The following MALT1 variants were observed in gnomAD, a reference collection of about 807,000 sequenced individuals.
MALT1 encodes the protein mucosa-associated lymphoid tissue lymphoma translocation protein 1.
In MALT1, 36 loss-of-function variants were observed where a neutral mutation model predicts 85.5. That is an observed-to-expected ratio of 0.42 (90% CI 0.32 to 0.56). MALT1 has a LOEUF of 0.56. MALT1 is among the 20% of genes least tolerant of loss of function. The pLI, the probability that MALT1 is intolerant of heterozygous loss-of-function variation, is 0.10. For missense variants in MALT1, 716 were observed against 981.6 expected (o/e 0.73, Z 3.62); for synonymous variants, 359 against 361.3 (o/e 0.99, Z 0.07).
At chr18:58,719,001 A>G (rs1295378977) in intron 9 of MALT1, among the ~76,000 whole-genome samples, 2 of 152,346 alleles carry the variant, frequency 1.3e-5, no homozygotes, top group Middle Eastern at 3.4e-3. Context: ...GTGGGTGAGG[A>G]ACAAAGTTCA....
chr18:58,726,358 T>C (rs998553011), intron 10 of MALT1, among the ~76,000 whole-genome samples: 2 of 152,116 alleles, frequency 1.3e-5, no homozygotes, highest in Non-Finnish European at 2.9e-5. Context: ...GGCTTGAGGG[T>C]TTAGGGCATA....
At chr18:58,732,269 T>A (rs1204017939) in intron 10 of MALT1, among the ~76,000 whole-genome samples, 1 of 152,162 alleles carries the variant, frequency 6.6e-6, no homozygotes, top group Non-Finnish European at 1.5e-5. Flanking sequence ...TGTCCAGTAC[T>A]TTTATGAAGA....
At chr18:58,695,573 A>G (rs1272813168) in intron 2 of MALT1, among the ~76,000 whole-genome samples, 4 of 152,190 alleles carry the variant, frequency 2.6e-5, no homozygotes, top group African/African-American at 9.7e-5. Flanking sequence ...GACGTTTTCA[A>G]TGGTGTTGTC....
chr18:58,713,596 G>T (rs1237063739), intron 7 of MALT1, among the ~76,000 whole-genome samples: 1 of 152,118 alleles, frequency 6.6e-6, no homozygotes, highest in Non-Finnish European at 1.5e-5. Context: ...ACCATTAATG[G>T]TTCATTAGTT....
At chr18:58,711,061 T>C (rs2054824864) in intron 7 of MALT1, 108 bp downstream of exon 7, 3 of 601,650 alleles carry the variant, frequency 5.0e-6, no homozygotes, top group Non-Finnish European at 5.7e-6. Context: ...AAATACTAGC[T>C]GTAAGAAATG....
At chr18:58,703,356 C>CA (rs35397993) in intron 4 of MALT1, among the ~76,000 whole-genome samples, 18 of 149,848 alleles carry the variant, frequency 1.2e-4, no homozygotes, top group East Asian at 1.2e-3. Context: ...GACTCCATCT[C>CA]AAAAAAAAAG....
intron 2 of MALT1, among the ~76,000 whole-genome samples, chr18:58,683,978 C>T (rs2054360269): frequency 6.6e-6 from 1 of 152,188 alleles, no homozygotes; most frequent in African/African-American, 2.4e-5. Flanking sequence ...GTCTCCCAGG[C>T]TGGAATGCAG....
intron 2 of MALT1, among the ~76,000 whole-genome samples, chr18:58,692,433 T>A (rs796598573): frequency 2.9e-4 from 16 of 55,124 alleles, no homozygotes; most frequent in Non-Finnish European, 1.3e-4. Context: ...TCTCTCTCTC[T>A]CTCACTCTCT....
At chr18:58,686,215 C>T (rs781168225) in intron 2 of MALT1, among the ~76,000 whole-genome samples, 24 of 152,116 alleles carry the variant, frequency 1.6e-4, no homozygotes, top group Admixed American at 3.9e-4. Flanking sequence ...TTAGTAGCGA[C>T]GAGGTTTCAC....
At chr18:58,707,748 ACACAC>A (rs2054774230) in intron 4 of MALT1, among the ~76,000 whole-genome samples, 1 of 152,206 alleles carries the variant, frequency 6.6e-6, no homozygotes, top group Non-Finnish European at 1.5e-5. Flanking sequence ...CAGGAACTAG[ACACAC>A]CCCTCGTAAT....
chr18:58,723,042 T>C lies in MALT1; in HGVS notation c.1019-6T>C, dbSNP rs1568145664. 1 of 1,610,954 alleles carries C rather than the reference T, an allele frequency of 6.2e-7. No individual in the cohort carries two copies. Among genetic ancestry groups the C allele is most frequent in the South Asian group, 1.1e-5 (1 of 90,550 alleles). Reference sequence around the variant, plus strand: ...TTTAAACACCCCCTTTCTTTTTTTTTCAAAGCGAAGGACAAGGTTGCCCTT... The same window carrying C: ...TTTAAACACCCCCTTTCTTTTTTTTCCAAAGCGAAGGACAAGGTTGCCCTT... On this transcript the variant is annotated splice_region_variant and splice_polypyrimidine_tract_variant and intron_variant, in intron 9 of 16. Coordinates refer to ENST00000649217, the MANE Select transcript of MALT1 (RefSeq NM_006785.4).
intron 3 of MALT1, among the ~76,000 whole-genome samples, chr18:58,699,010 T>C (rs2054634553): frequency 6.6e-6 from 1 of 152,222 alleles, no homozygotes; most frequent in Non-Finnish European, 1.5e-5. Context: ...CTTTCTGTTT[T>C]GGGTCAGATA....
At position 58,710,027 on chromosome 18, in the gene MALT1, A is replaced by C. The variant is rs2144389020; in HGVS notation, c.880A>C (p.Asn294His). Reference protein sequence around the residue: ...HQGTYWCHVYNDRDSQDSKKV... With the variant: ...HQGTYWCHVYHDRDSQDSKKV... ...AGGAACCTACTGGTGTCATGTATAT[A>C]ATGATCGAGACAGTCAAGATAGCAA... Residue 294 changes from asparagine (N) to histidine (H), a missense_variant, in exon 6 of 17, where the codon AAT becomes CAT. By Grantham distance (68) the Asn-to-His change is moderately conservative. Coordinates refer to ENST00000649217, the MANE Select transcript of MALT1 (RefSeq NM_006785.4). 2 of 1,612,678 alleles carry C rather than the reference A, an allele frequency of 1.2e-6. No homozygotes were observed. Among genetic ancestry groups the C allele is most frequent in the Non-Finnish European group, 1.7e-6 (2 of 1,179,154 alleles).
chr18:58,696,576 CAGTT>C, intron 3 of MALT1, 89 bp downstream of exon 3: 1 of 1,126,100 alleles, frequency 8.9e-7, no homozygotes, highest in Non-Finnish European at 1.2e-6. Flanking sequence ...GTAGTTTTAA[CAGTT>C]TGGTAAAAGA....
At chr18:58,736,591 C>A (rs2055224641) in intron 13 of MALT1, among the ~76,000 whole-genome samples, 1 of 152,164 alleles carries the variant, frequency 6.6e-6, no homozygotes, top group Non-Finnish European at 1.5e-5. Flanking sequence ...TAATAAAAAG[C>A]ACCATGCTCA....
intron 13 of MALT1, among the ~76,000 whole-genome samples, chr18:58,736,708 G>A (rs936984130): frequency 2.6e-5 from 4 of 152,124 alleles, no homozygotes; most frequent in South Asian, 4.1e-4. Context: ...TTTGCTTTTC[G>A]CTGATCTTTT....
intron 10 of MALT1, among the ~76,000 whole-genome samples, chr18:58,730,987 G>A (rs2055140983): frequency 6.6e-6 from 1 of 151,918 alleles, no homozygotes; most frequent in Non-Finnish European, 1.5e-5. Context: ...GTCTTGCCCT[G>A]TTGCCCAGGC....
Position 58,752,464 on chromosome 18 carries a change from A to T in MALT1, c.*4622A>T, listed in dbSNP as rs142525170. 1 of 152,122 alleles carries T rather than the reference A, an allele frequency of 6.6e-6. No homozygotes were observed. The highest frequency in any genetic ancestry group is 2.4e-5 in the African/African-American group (1 of 41,416). 9.4% of individuals were successfully genotyped at this position (152,122 alleles called of 1,614,324 possible). A position where few individuals can be genotyped will look rare whatever the true frequency, so the allele number is the denominator to read the frequency against. On this transcript the variant is annotated 3_prime_UTR_variant, in exon 17 of 17. Coordinates refer to ENST00000649217, the MANE Select transcript of MALT1 (RefSeq NM_006785.4). ...ATTTCATCCTGTTTCTCAGTTTGAC[A>T]TTGTCATTCAAATTCAGAGTTTGAC... is the stretch of plus-strand genomic sequence containing the variant.
chr18:58,734,856 T>G (rs545769295), intron 12 of MALT1, among the ~76,000 whole-genome samples: 1 of 152,356 alleles, frequency 6.6e-6, no homozygotes, highest in East Asian at 1.9e-4. Context: ...AGTGTTTGCT[T>G]TTCTAACATT....
Sources: gnomAD v4.1 joint callset for allele counts (sites outside exome capture counted in the v4.1 genomes callset) on GRCh38, gnomAD v4.1.1 for gene constraint, MANE v1.5 for transcripts, NCBI Gene and HGNC (gene_info 2026-07-23, HGNC 2026-07-21) for gene names.